Variants in MUC20 observed in about 807,000 individuals in gnomAD.
MUC20 encodes mucin 20, cell surface associated.
A neutral mutation model predicts 23.8 loss-of-function variants in MUC20; 14 were observed. The observed-to-expected ratio is 0.59, with a 90% CI of 0.39 to 0.92. The LOEUF is 0.92. Among genes scored for constraint, MUC20 ranks in the 40% least tolerant of loss-of-function variants. The pLI is 0.00. For missense variants in MUC20, 375 were observed against 668.8 expected, an observed-to-expected ratio of 0.56 and a Z score of 4.85; for synonymous variants, 166 against 279.3, an observed-to-expected ratio of 0.59 and a Z score of 4.04.
intron 3 of MUC20, among the ~76,000 whole-genome samples, chr3:195,731,975 CTTTTG>C (rs57899187): frequency 0.16 from 23,712 of 150,864 alleles, 1,797 homozygotes; most frequent in African/African-American, 0.2. Context: ...AAGCCAATTG[CTTTTG>C]TTTTGTTTTG....
rs1713612735 is a variant in MUC20 at position 195,733,493 on chromosome 3, GAC to G, written c.*276_*277del. 7.2e-7 allele frequency: 1 copy of G among 1,387,646 alleles called. No individual in the cohort carries two copies. The highest frequency in any genetic ancestry group is 9.3e-7 in the Non-Finnish European group (1 of 1,074,826). The allele number at this position is 1,387,646 out of a possible 1,614,324, so 86.0% of individuals were successfully genotyped here. A position where few individuals can be genotyped will look rare whatever the true frequency, so the allele number is the denominator to read the frequency against. ...CATGTTCTGTGTTTCAGTAAAGAGA[GAC>G]CTGATCACCCATCTGTGTGCTTCCA... On this transcript the variant is annotated 3_prime_UTR_variant, in exon 4 of 4. Transcript: ENST00000447234.
chr3:195,728,594 G>A (rs1712989532), intron 2 of MUC20, among the ~76,000 whole-genome samples: 1 of 152,102 alleles, frequency 6.6e-6, no homozygotes, highest in Non-Finnish European at 1.5e-5. Flanking sequence ...CAGTTCCCAG[G>A]GGCAGGCAGG....
intron 2 of MUC20, among the ~76,000 whole-genome samples, chr3:195,728,474 G>T (rs1712970466): frequency 6.6e-6 from 1 of 152,280 alleles, no homozygotes; most frequent in South Asian, 2.1e-4. Flanking sequence ...GCAGAGTAAA[G>T]AATAATAAAG....
At chr3:195,729,851 C>A in intron 3 of MUC20, 112 bp downstream of exon 3, 2 of 1,051,892 alleles carry the variant, frequency 1.9e-6, no homozygotes, top group Non-Finnish European at 2.8e-6. Context: ...GGAAGGGAGT[C>A]TCGTTTCTTA....
At chr3:195,728,690 C>T (rs945871661) in intron 2 of MUC20, among the ~76,000 whole-genome samples, 1 of 151,998 alleles carries the variant, frequency 6.6e-6, no homozygotes, top group East Asian at 1.9e-4. Context: ...CGGGTGTCAG[C>T]CTGGGGGACG....
intron 2 of MUC20, among the ~76,000 whole-genome samples, chr3:195,728,395 C>G (rs1211979076): frequency 6.6e-6 from 1 of 152,282 alleles, no homozygotes; most frequent in Non-Finnish European, 1.5e-5. Context: ...TAATTAAGTT[C>G]AAGGGAAGAT....
At chr3:195,728,771 G>A (rs1713032517) in intron 2 of MUC20, among the ~76,000 whole-genome samples, 1 of 152,156 alleles carries the variant, frequency 6.6e-6, no homozygotes. Context: ...ACAATAACCT[G>A]CTTTCAAGGG....
rs781623120 is a variant in MUC20 at position 195,726,470 on chromosome 3, A to G, written c.1867A>G (p.Ser623Gly). The G allele has an allele frequency of 3.7e-6, 6 of 1,614,066 alleles. No homozygotes were observed. The highest frequency in any genetic ancestry group is 3.3e-5 in the South Asian group (3 of 91,090). ...AACCAACAGCAGCCGAGGGACGAAC[A>G]GCACCTTAGCCAAGATCACAACCTC... ...TTTNSSRGTNSTLAKITTSAK... is the reference protein window; with the variant it reads ...TTTNSSRGTNGTLAKITTSAK... The change falls in exon 2 of 4, where the codon AGC becomes GGC. Residue 623 changes from serine (S) to glycine (G), a missense_variant. This residue lies in a region of MUC20 where 343 missense variants were observed against 340.2 expected (regional missense o/e 1.01). Coordinates refer to ENST00000447234, the MANE Select transcript of MUC20 (RefSeq NM_001282506.2).
rs200009986 is a variant in MUC20 at position 195,726,382 on chromosome 3, C to T, written c.1779C>T (p.Asp593=). The T allele has an allele frequency of 3.1e-6, 5 of 1,613,772 alleles. No homozygotes were observed. The highest frequency in any genetic ancestry group is 3.4e-6 in the Non-Finnish European group (4 of 1,179,812). Reference sequence around the variant, plus strand: ...CCCCTTCAGAGACACCGACCATGGACATCGCAACCAAGGGGCCCTTCCCCA... The same window carrying T: ...CCCCTTCAGAGACACCGACCATGGATATCGCAACCAAGGGGCCCTTCCCCA... ...NFTPSETPTM[D]IATKGPFPTS... Residue 593 remains aspartate, a synonymous_variant, in exon 2 of 4, where the codon GAC becomes GAT. Coordinates refer to ENST00000447234, the MANE Select transcript of MUC20 (RefSeq NM_001282506.2).
At chr3:195,728,211 C>T (rs1307546682) in intron 2 of MUC20, among the ~76,000 whole-genome samples, 2 of 152,272 alleles carry the variant, frequency 1.3e-5, no homozygotes, top group Non-Finnish European at 1.5e-5. Context: ...ACAGTGGGCC[C>T]AGGGGACCGT....
At chr3:195,729,481 T>A in intron 2 of MUC20, 167 bp from the exon 3 acceptor site, 1 of 666,998 alleles carries the variant, frequency 1.5e-6, no homozygotes, top group East Asian at 2.8e-5. Context: ...CATGCCCGGC[T>A]CATTTTGTGT....
Position 195,733,547 on chromosome 3 carries a change from G to A in MUC20, c.*329G>A. On this transcript the variant is annotated 3_prime_UTR_variant, in exon 4 of 4. Transcript: ENST00000447234. ...CCTGCATTAAAATTCACTCAGTGTGGCCCAGAGGCTGTCTATTGATCTGCA... is the reference window on the plus strand; with the variant it reads ...CCTGCATTAAAATTCACTCAGTGTGACCCAGAGGCTGTCTATTGATCTGCA... 7.7e-7 allele frequency: 1 copy of A among 1,295,302 alleles called. No individual in the cohort carries two copies. The highest frequency in any genetic ancestry group is 2.2e-5 in the South Asian group (1 of 45,318). The allele number at this position is 1,295,302 out of a possible 1,614,324, so 80.2% of individuals were successfully genotyped here.
intron 3 of MUC20, among the ~76,000 whole-genome samples, chr3:195,731,267 A>G (rs1172934535): frequency 1.3e-5 from 2 of 152,252 alleles, no homozygotes; most frequent in African/African-American, 4.8e-5. Flanking sequence ...GCTTCCTGTC[A>G]TCCCTTGCAA....
intron 2 of MUC20, among the ~76,000 whole-genome samples, chr3:195,728,199 C>T (rs1331019842): frequency 6.6e-6 from 1 of 152,274 alleles, no homozygotes; most frequent in Non-Finnish European, 1.5e-5. Flanking sequence ...TATAGAGAAA[C>T]AACAGTGGGC....
Position 195,726,075 on chromosome 3 carries a change from C to T in MUC20, c.1472C>T (p.Ala491Val). Residue 491 changes from alanine (A) to valine (V), a missense_variant, in exon 2 of 4, where the codon GCA (alanine) becomes GTA (valine). Coordinates refer to ENST00000447234, the MANE Select transcript of MUC20 (RefSeq NM_001282506.2). ...LSTAGTTESAAPDATVGTPLP... is the reference protein window; with the variant it reads ...LSTAGTTESAVPDATVGTPLP... ...ACAGCCGGCACCACAGAGTCAGCTG[C>T]ACCTGATGCCACGGTTGGGACCCCA... The T allele has an allele frequency of 6.2e-7, 1 of 1,613,268 alleles. No homozygotes were observed.
intron 3 of MUC20, among the ~76,000 whole-genome samples, chr3:195,731,203 G>C (rs555841341): frequency 4.6e-5 from 7 of 152,214 alleles, no homozygotes; most frequent in African/African-American, 1.7e-4. Flanking sequence ...CCTGAAGCTT[G>C]CATTCAGCAC....
intron 3 of MUC20, among the ~76,000 whole-genome samples, chr3:195,731,161 TCA>T (rs1713350876): frequency 6.6e-6 from 1 of 152,180 alleles, no homozygotes; most frequent in Admixed American, 6.5e-5. Flanking sequence ...TCAGCACCTC[TCA>T]CAGTCAATGG....
intron 2 of MUC20, 84 bp from the exon 3 acceptor site, chr3:195,729,564 C>T: frequency 7.7e-7 from 1 of 1,296,418 alleles, no homozygotes; most frequent in Non-Finnish European, 1.1e-6. Context: ...GATCCACCTG[C>T]CTCTGCCTCC....
intron 3 of MUC20, among the ~76,000 whole-genome samples, chr3:195,731,842 C>T (rs1713418827): frequency 6.6e-6 from 1 of 152,276 alleles, no homozygotes; most frequent in Non-Finnish European, 1.5e-5. Context: ...CCAATCGTGA[C>T]TCCCACTGTG....
Sources: allele counts gnomAD v4.1 joint callset (sites outside exome capture counted in the v4.1 genomes callset), GRCh38; gene constraint gnomAD v4.1.1; regional missense constraint gnomAD v4.1.1; transcripts MANE v1.5; gene names NCBI Gene and HGNC (gene_info 2026-07-23, HGNC 2026-07-21).